The following TMC1 variants were observed in gnomAD, a reference collection of about 807,000 sequenced individuals.
TMC1 encodes the protein transmembrane channel-like protein 1.
In TMC1, 84 loss-of-function variants were observed where a neutral mutation model predicts 105.8. The ratio of observed to expected loss-of-function variants is 0.79; its 90% CI spans 0.67 to 0.95. The LOEUF (loss-of-function observed/expected upper bound fraction) is 0.95. TMC1 is among the 40% of genes least tolerant of loss of function. The pLI is 0.00. For synonymous variants in TMC1, 315 were observed against 311.5 expected, an observed-to-expected ratio of 1.01 and a Z score of -0.12; for missense variants, 817 against 914.1, an observed-to-expected ratio of 0.89 and a Z score of 1.37.
At chr9:72,685,663 C>T (rs1371726889) in intron 5 of TMC1, among the ~76,000 whole-genome samples, 2 of 152,146 alleles carry the variant, frequency 1.3e-5, no homozygotes, top group Admixed American at 6.5e-5. Context: ...TGCGCCTGGC[C>T]TATAAAGTCA....
chr9:72,528,792 G>T (rs948312677), intron 1 of TMC1, among the ~76,000 whole-genome samples: 2 of 152,094 alleles, frequency 1.3e-5, no homozygotes, highest in African/African-American at 4.8e-5. Flanking sequence ...TTTTGAGGTG[G>T]TTGGGCTTGC....
intron 1 of TMC1, among the ~76,000 whole-genome samples, chr9:72,537,974 G>C (rs561753365): frequency 1.2e-3 from 189 of 152,064 alleles, no homozygotes; most frequent in African/African-American, 4.4e-3. Flanking sequence ...TGGGCAACAT[G>C]ATGAGACCCT....
intron 1 of TMC1, among the ~76,000 whole-genome samples, chr9:72,538,434 A>ATTGTATTGTG (rs1478643885): frequency 1.3e-3 from 190 of 147,848 alleles, no homozygotes; most frequent in Non-Finnish European, 1.4e-3. Flanking sequence ...ATTGTATTGT[A>ATTGTATTGTG]TTGTATTGTA....
intron 2 of TMC1, among the ~76,000 whole-genome samples, chr9:72,611,633 G>T (rs1825026119): frequency 6.6e-6 from 1 of 152,162 alleles, no homozygotes; most frequent in Non-Finnish European, 1.5e-5. Flanking sequence ...AGAGTTGAAG[G>T]CTTGAATGGT....
At chr9:72,740,929 A>G (rs1430621536) in intron 9 of TMC1, among the ~76,000 whole-genome samples, 2 of 152,124 alleles carry the variant, frequency 1.3e-5, no homozygotes, top group African/African-American at 4.8e-5. Context: ...TATAGTATCT[A>G]TGCATTTGTT....
intron 5 of TMC1, among the ~76,000 whole-genome samples, chr9:72,676,732 C>G (rs1826209096): frequency 2.0e-5 from 3 of 152,086 alleles, no homozygotes; most frequent in Admixed American, 2.0e-4. Context: ...CCCAGATAAA[C>G]AGAAGTCCTT....
At chr9:72,720,476 G>A (rs956944644) in intron 8 of TMC1, among the ~76,000 whole-genome samples, 3 of 152,208 alleles carry the variant, frequency 2.0e-5, no homozygotes, top group African/African-American at 7.2e-5. Flanking sequence ...CAGTGTTCGT[G>A]TGCCCTGTCT....
rs55848138 is a variant in TMC1, at chr9:72,755,071, G to GGA, written c.741+212_741+213dup. On this transcript the variant is annotated intron_variant, in intron 12 of 23. Coordinates refer to ENST00000297784, the MANE Select transcript of TMC1 (RefSeq NM_138691.3). ...GAGAGAGAGGGAGGGAGGGAGGGAGGGAGAGAGAGAGAGAGAGAGAGAGAG... is the reference window on the plus strand; with the variant it reads ...GAGAGAGAGGGAGGGAGGGAGGGAGGGAGAGAGAGAGAGAGAGAGAGAGAGAG... Among the ~76,000 whole-genome samples, 27,853 of 126,450 alleles carry GGA rather than the reference G, an allele frequency of 0.22. 2,877 individuals are homozygous for GGA. Among genetic ancestry groups the GGA allele is most frequent in the South Asian group, 0.34 (1,185 of 3,494 alleles). 83.0% of individuals were successfully genotyped at this position (126,450 alleles called of 152,430 possible).
intron 8 of TMC1, among the ~76,000 whole-genome samples, chr9:72,712,068 C>T (rs1423844447): frequency 6.6e-6 from 1 of 152,136 alleles, no homozygotes; most frequent in Non-Finnish European, 1.5e-5. Context: ...TGTCAAAGAT[C>T]AGATGGTTGT....
chr9:72,677,013 A>T (rs1826213395), intron 5 of TMC1, among the ~76,000 whole-genome samples: 1 of 151,872 alleles, frequency 6.6e-6, no homozygotes, highest in African/African-American at 2.4e-5. Flanking sequence ...TCTCTGGTGG[A>T]ATTTACTAAA....
intron 20 of TMC1, among the ~76,000 whole-genome samples, chr9:72,824,769 G>A (rs538609393): frequency 1.2e-4 from 19 of 152,300 alleles, no homozygotes; most frequent in African/African-American, 4.3e-4. Flanking sequence ...TGTAAAATAG[G>A]TGAAGGGTGG....
chr9:72,613,225 G>A (rs778385819), intron 2 of TMC1, among the ~76,000 whole-genome samples: 4 of 151,218 alleles, frequency 2.6e-5, no homozygotes, highest in Admixed American at 6.6e-5. Flanking sequence ...TCCGCCTCCC[G>A]GGTTCAAGCG....
At chr9:72,710,597 C>A (rs961832593) in intron 8 of TMC1, among the ~76,000 whole-genome samples, 5 of 151,998 alleles carry the variant, frequency 3.3e-5, no homozygotes, top group African/African-American at 4.8e-5. Context: ...GATTTAGTGT[C>A]CCTCTTTGTA....
intron 17 of TMC1, among the ~76,000 whole-genome samples, chr9:72,792,676 A>G (rs546483141): frequency 1.5e-4 from 23 of 152,310 alleles, no homozygotes; most frequent in Admixed American, 5.2e-4. Context: ...AAATATTTAA[A>G]TGGAACTCTA....
chr9:72,560,720 T>A (rs7855426), intron 1 of TMC1, among the ~76,000 whole-genome samples: 80,481 of 151,108 alleles, frequency 0.53, 22,525 homozygotes, highest in African/African-American at 0.72. Flanking sequence ...GGATGGTCTC[T>A]TGATCCGCCC....
intron 8 of TMC1, among the ~76,000 whole-genome samples, chr9:72,703,740 A>G (rs1471544733): frequency 1.3e-5 from 2 of 152,200 alleles, no homozygotes; most frequent in Non-Finnish European, 2.9e-5. Context: ...ATGGAAGCAC[A>G]AATTTAGTCC....
At chr9:72,697,415 A>G (rs1301045440) in intron 7 of TMC1, among the ~76,000 whole-genome samples, 1 of 152,176 alleles carries the variant, frequency 6.6e-6, no homozygotes, top group Non-Finnish European at 1.5e-5. Flanking sequence ...AAGAAAGTAT[A>G]TGTGTCCCAG....
At chr9:72,571,314 C>G (rs1214820961) in intron 1 of TMC1, among the ~76,000 whole-genome samples, 2 of 151,644 alleles carry the variant, frequency 1.3e-5, no homozygotes, top group African/African-American at 2.4e-5. Flanking sequence ...CAGAACAAGA[C>G]TCTGTCTCAA....
intron 13 of TMC1, among the ~76,000 whole-genome samples, chr9:72,780,999 C>T (rs118015824): frequency 0.091 from 13,805 of 152,156 alleles, 795 homozygotes; most frequent in Non-Finnish European, 0.14. Context: ...CTCCACCCAA[C>T]AACAACAGAA....
Sources: allele counts gnomAD v4.1 joint callset (sites outside exome capture counted in the v4.1 genomes callset), GRCh38; gene constraint gnomAD v4.1.1; transcripts MANE v1.5; gene names NCBI Gene and HGNC (gene_info 2026-07-23, HGNC 2026-07-21).